The following SMAD5 variants were observed in gnomAD, a reference collection of about 807,000 sequenced individuals.
The protein encoded by SMAD5 is MAD, mothers against decapentaplegic homolog 5.
A neutral mutation model predicts 43.1 loss-of-function variants in SMAD5; 9 were observed. That is an observed-to-expected ratio of 0.21 (90% CI 0.13 to 0.36). The LOEUF is 0.36. Among genes scored for constraint, SMAD5 ranks in the 10% least tolerant of loss-of-function variants. The pLI is 1.00. For synonymous variants in SMAD5, 190 were observed against 192.4 expected (o/e 0.99, Z 0.10); for missense variants, 348 against 574.0 (o/e 0.61, Z 4.02).
intron 1 of SMAD5, among the ~76,000 whole-genome samples, chr5:136,142,196 A>G (rs999036768): frequency 6.6e-6 from 1 of 152,180 alleles, no homozygotes; most frequent in African/African-American, 2.4e-5. Flanking sequence ...GGTAAATGTA[A>G]AAACATAGGT....
intron 5 of SMAD5, among the ~76,000 whole-genome samples, chr5:136,164,389 ATCC>A (rs2149775458): frequency 6.6e-6 from 1 of 152,310 alleles, no homozygotes; most frequent in African/African-American, 2.4e-5. Flanking sequence ...TTTTCTCTGC[ATCC>A]TCCTAACACC....
chr5:136,176,457 C>CAAAAAAA lies in SMAD5; in HGVS notation c.1255-860_1255-854dup, dbSNP rs60311104. ...GCAACAAGAGAGAAACTCTGTCTCA[C>CAAAAAAA]AAAAAAAAAAAAAAAAAAAAAAAAA... On this transcript the variant is annotated intron_variant, in intron 7 of 7. Coordinates refer to ENST00000545279, the MANE Select transcript of SMAD5 (RefSeq NM_005903.7). 2.1e-3 allele frequency among the ~76,000 whole-genome samples: 141 copies of CAAAAAAA among 68,510 alleles called. 4 individuals are homozygous for CAAAAAAA. Among genetic ancestry groups the CAAAAAAA allele is most frequent in the African/African-American group, 6.5e-3 (135 of 20,620 alleles). The allele number at this position is 68,510 out of a possible 152,430, so 44.9% of individuals were successfully genotyped here. A position where few individuals can be genotyped will look rare whatever the true frequency, so the allele number is the denominator to read the frequency against.
chr5:136,172,694 C>A, intron 6 of SMAD5, 39 bp downstream of exon 6: 1 of 1,324,116 alleles, frequency 7.6e-7, no homozygotes, highest in South Asian at 1.2e-5. Context: ...CGAATTCAAT[C>A]ATTTGTTGTA....
At chr5:136,158,629 G>T (rs1753720840) in intron 3 of SMAD5, among the ~76,000 whole-genome samples, 1 of 152,170 alleles carries the variant, frequency 6.6e-6, no homozygotes, top group African/African-American at 2.4e-5. Context: ...GCCTGGCACG[G>T]TGGCTCACGC....
chr5:136,171,079 G>A (rs1056522883), intron 5 of SMAD5, among the ~76,000 whole-genome samples: 1 of 152,110 alleles, frequency 6.6e-6, no homozygotes, highest in African/African-American at 2.4e-5. Context: ...AGGACTTCCA[G>A]TATGATGTTG....
At chr5:136,172,746 C>A (rs1458889708) in intron 6 of SMAD5, 91 bp downstream of exon 6, 2 of 889,446 alleles carry the variant, frequency 2.2e-6, no homozygotes, top group Non-Finnish European at 3.7e-6. Context: ...TAGAAACATA[C>A]AAAGAAGTTT....
At position 136,178,837 on chromosome 5, in the gene SMAD5, G is replaced by C. The variant is rs1754519475; in HGVS notation, c.*1357G>C. On this transcript the variant is annotated 3_prime_UTR_variant, in exon 8 of 8. Coordinates refer to ENST00000545279, the MANE Select transcript of SMAD5 (RefSeq NM_005903.7). Reference sequence around the variant, plus strand: ...TGGGAGGCTGAGGCAGGCAGATCATGATGTCAGGAGTTTGAGACCAGCCTG... The same window carrying C: ...TGGGAGGCTGAGGCAGGCAGATCATCATGTCAGGAGTTTGAGACCAGCCTG... 6.6e-6 allele frequency: 1 copy of C among 152,302 alleles called. No individual in the cohort carries two copies. Among genetic ancestry groups the C allele is most frequent in the African/African-American group, 2.4e-5 (1 of 41,420 alleles). The allele number at this position is 152,302 out of a possible 1,614,324, so 9.4% of individuals were successfully genotyped here.
At chr5:136,170,423 A>G (rs904878193) in intron 5 of SMAD5, among the ~76,000 whole-genome samples, 11 of 151,966 alleles carry the variant, frequency 7.2e-5, no homozygotes, top group African/African-American at 1.7e-4. Flanking sequence ...TCTAAACTCT[A>G]TTCTGCTCCT....
chr5:136,175,003 C>T (rs535814410), intron 7 of SMAD5, among the ~76,000 whole-genome samples: 5 of 152,302 alleles, frequency 3.3e-5, no homozygotes, highest in African/African-American at 1.2e-4. Context: ...AATGAACTCA[C>T]AGTTCCACGT....
In SMAD5 at chr5:136,179,198, C is replaced by T. The variant is rs566475365; in HGVS notation, c.*1718C>T. On this transcript the variant is annotated 3_prime_UTR_variant, in exon 8 of 8. Coordinates refer to ENST00000545279, the MANE Select transcript of SMAD5 (RefSeq NM_005903.7). ...AATCTTTAGAGAGAAAAGACATGAA[C>T]GAACTCCAAAATATCCATTTAATCA... The T allele has an allele frequency of 3.3e-5, 5 of 152,484 alleles. No individual in the cohort carries two copies. The highest frequency in any genetic ancestry group is 1.3e-4 in the Admixed American group (2 of 15,304). 9.4% of individuals were successfully genotyped at this position (152,484 alleles called of 1,614,324 possible).
chr5:136,163,528 A>T lies in SMAD5; in HGVS notation c.775+137A>T, dbSNP rs374100317. 1.1e-4 allele frequency: 61 copies of T among 568,252 alleles called. No homozygotes were observed. The South Asian group carries it at 2.0e-3, about 18-fold the overall frequency. 35.2% of individuals were successfully genotyped at this position (568,252 alleles called of 1,614,324 possible). On this transcript the variant is annotated intron_variant, in intron 5 of 7. Transcript: ENST00000545279. ...TTTGTTTTAAGTGTATGATTCAAAG[A>T]TTTTGGTAAATACACCAAGTTTTGC...
rs1051246593 is a variant in SMAD5, at chr5:136,174,269, T to G, written c.998-107T>G. Reference sequence around the variant, plus strand: ...GTGGTAACTTCTGTCTAAAGACTGCTGGAAGTTTGCTGTGGATTAATGGGT... The same window carrying G: ...GTGGTAACTTCTGTCTAAAGACTGCGGGAAGTTTGCTGTGGATTAATGGGT... On this transcript the variant is annotated intron_variant, in intron 6 of 7. Transcript: ENST00000545279. 9.9e-6 allele frequency: 10 copies of G among 1,013,188 alleles called. No homozygotes were observed. The African/African-American group carries it at 1.6e-4, about 16-fold the overall frequency. The allele number at this position is 1,013,188 out of a possible 1,614,324, so 62.8% of individuals were successfully genotyped here.
chr5:136,156,728 A>G (rs1580780903), intron 3 of SMAD5, among the ~76,000 whole-genome samples: 1 of 152,236 alleles, frequency 6.6e-6, no homozygotes, highest in African/African-American at 2.4e-5. Context: ...AAGTGTGACT[A>G]GTAGTCAGCC....
chr5:136,171,515 C>T (rs1462864990), intron 5 of SMAD5, among the ~76,000 whole-genome samples: 1 of 152,176 alleles, frequency 6.6e-6, no homozygotes, highest in Non-Finnish European at 1.5e-5. Context: ...AGCCTTAAGG[C>T]CTAATGCAAT....
intron 5 of SMAD5, among the ~76,000 whole-genome samples, chr5:136,165,662 A>ATTTTTTT (rs58156387): frequency 6.1e-4 from 40 of 65,446 alleles, no homozygotes; most frequent in Non-Finnish European, 9.6e-4. Flanking sequence ...GAATCATACA[A>ATTTTTTT]TTTTTTTTTT....
At chr5:136,152,335 G>A (rs1464962761) in intron 2 of SMAD5, among the ~76,000 whole-genome samples, 1 of 152,126 alleles carries the variant, frequency 6.6e-6, no homozygotes, top group Non-Finnish European at 1.5e-5. Context: ...TACATGGGAT[G>A]TAACAAAGAA....
rs1754670582 is a variant in SMAD5, at chr5:136,182,565, T to TA, written c.*5086dup. The TA allele has an allele frequency of 6.6e-6, 1 of 152,668 alleles. No individual in the cohort carries two copies. The highest frequency in any genetic ancestry group is 6.5e-5 in the Admixed American group (1 of 15,284). 9.5% of individuals were successfully genotyped at this position (152,668 alleles called of 1,614,324 possible). On this transcript the variant is annotated 3_prime_UTR_variant, in exon 8 of 8. Coordinates refer to ENST00000545279, the MANE Select transcript of SMAD5 (RefSeq NM_005903.7). ...TATTTGTATTTGTTGTGCTTCTGTTTATGTTGTAGAAGCTGAAATTCTAGC... is the reference window on the plus strand; with the variant it reads ...TATTTGTATTTGTTGTGCTTCTGTTTAATGTTGTAGAAGCTGAAATTCTAGC...
At chr5:136,163,514 T>A in intron 5 of SMAD5, 123 bp downstream of exon 5, 1 of 722,442 alleles carries the variant, frequency 1.4e-6, no homozygotes, top group Non-Finnish European at 2.1e-6. Flanking sequence ...TTGTTTTAAG[T>A]GTATGATTCA....
At chr5:136,155,226 A>T (rs991642468) in intron 3 of SMAD5, among the ~76,000 whole-genome samples, 1 of 152,126 alleles carries the variant, frequency 6.6e-6, no homozygotes, top group African/African-American at 2.4e-5. Context: ...TCCCCTATTG[A>T]AGTGAATGGC....
Sources: gnomAD v4.1 joint callset for allele counts (sites outside exome capture counted in the v4.1 genomes callset) on GRCh38, gnomAD v4.1.1 for gene constraint, MANE v1.5 for transcripts, NCBI Gene and HGNC (gene_info 2026-07-23, HGNC 2026-07-21) for gene names.